Variants in SARNP observed in about 807,000 individuals in gnomAD.
SARNP encodes the protein SAP domain containing ribonucleoprotein.
In SARNP, 5 loss-of-function variants were observed where a neutral mutation model predicts 38.1. The ratio of observed to expected loss-of-function variants is 0.13; its 90% CI spans 0.07 to 0.28. The LOEUF (loss-of-function observed/expected upper bound fraction) is 0.28, where lower values mean the gene tolerates loss of function less well. Among genes scored for constraint, SARNP ranks in the 10% least tolerant of loss-of-function variants. The probability of loss-of-function intolerance (pLI) is 1.00; values close to 1 mark genes in which losing one functional copy is unlikely to be tolerated. For missense variants in SARNP, 180 were observed against 243.9 expected (o/e 0.74, Z 1.75); for synonymous variants, 84 against 80.6 (o/e 1.04, Z -0.23).
intron 9 of SARNP, among the ~76,000 whole-genome samples, chr12:55,768,995 G>A (rs1229400476): frequency 6.6e-6 from 1 of 152,188 alleles, no homozygotes; most frequent in Non-Finnish European, 1.5e-5. Flanking sequence ...GGGATTACAG[G>A]TGTGAGCCAC....
At chr12:55,791,150 A>G (rs763488351) in intron 7 of SARNP, among the ~76,000 whole-genome samples, 258 of 152,322 alleles carry the variant, frequency 1.7e-3, no homozygotes, top group Non-Finnish European at 2.9e-3. Flanking sequence ...TTCCATGGAG[A>G]AAAAAACCTC....
At position 55,800,913 on chromosome 12, in the gene SARNP, A is replaced by G. The variant is rs1399745472; in HGVS notation, c.137-13T>C. ...GCCTCCTCTTCAGCTAAAGAATATT[A>G]AAATATTCAGGTCAAGCCCTGCTAC... On this transcript the variant is annotated splice_polypyrimidine_tract_variant and intron_variant, in intron 2 of 10. Coordinates refer to ENST00000336133, the MANE Select transcript of SARNP (RefSeq NM_033082.4). 6.2e-7 allele frequency: 1 copy of G among 1,606,352 alleles called. No individual in the cohort carries two copies. The highest frequency in any genetic ancestry group is 1.1e-5 in the South Asian group (1 of 90,922).
chr12:55,815,571 G>A (rs1313974224), intron 1 of SARNP, among the ~76,000 whole-genome samples: 3 of 152,074 alleles, frequency 2.0e-5, no homozygotes, highest in African/African-American at 7.2e-5. Flanking sequence ...TTGTGCCTCA[G>A]CCTCCTCACA....
chr12:55,761,696 C>T (rs1222563794), intron 9 of SARNP: 1 of 152,158 alleles, frequency 6.6e-6, no homozygotes, highest in Non-Finnish European at 1.5e-5. Context: ...TAAACCCTAC[C>T]ATTTTATTTA....
intron 9 of SARNP, among the ~76,000 whole-genome samples, chr12:55,782,991 G>C (rs1009425800): frequency 2.6e-5 from 4 of 152,012 alleles, no homozygotes; most frequent in Admixed American, 2.6e-4. Flanking sequence ...CACGCCTGTA[G>C]TCCTAGCTAC....
intron 9 of SARNP, among the ~76,000 whole-genome samples, chr12:55,774,354 T>C (rs1172243847): frequency 6.6e-6 from 1 of 151,726 alleles, no homozygotes; most frequent in African/African-American, 2.4e-5. Flanking sequence ...TAAGCATGGG[T>C]ACGATATGCA....
rs542022869 is a variant in SARNP, at chr12:55,788,614, T to C, written c.501+461A>G. Among the ~76,000 whole-genome samples, 21 of 152,066 alleles carry C rather than the reference T, an allele frequency of 1.4e-4. No homozygotes were observed. In the South Asian group the frequency reaches 1.7e-3, roughly 12 times the overall value. On this transcript the variant is annotated intron_variant, in intron 9 of 10. Coordinates refer to ENST00000336133, the MANE Select transcript of SARNP (RefSeq NM_033082.4). ...GAGTTTGAGACCAGCTTGGGTAACA[T>C]AGCAAAATCCCGTCTCTACCAAAAA...
chr12:55,810,672 T>C (rs1440770162), intron 1 of SARNP, among the ~76,000 whole-genome samples: 1 of 151,564 alleles, frequency 6.6e-6, no homozygotes. Context: ...AGGCTGGTCT[T>C]GAACTCCTGA....
intron 1 of SARNP, among the ~76,000 whole-genome samples, chr12:55,816,115 G>C (rs552968396): frequency 6.6e-6 from 1 of 152,316 alleles, no homozygotes; most frequent in African/African-American, 2.4e-5. Flanking sequence ...ATACAGATTT[G>C]ATGGAAGGAG....
chr12:55,805,262 AAAAT>A (rs1880105084), intron 1 of SARNP, among the ~76,000 whole-genome samples: 1 of 152,252 alleles, frequency 6.6e-6, no homozygotes, highest in Non-Finnish European at 1.5e-5. Context: ...CTCCGTCTCA[AAAAT>A]AAATAAATAA....
chr12:55,815,270 A>G (rs1880448598), intron 1 of SARNP, among the ~76,000 whole-genome samples: 1 of 152,050 alleles, frequency 6.6e-6, no homozygotes, highest in South Asian at 2.1e-4. Flanking sequence ...ATGTTACCTA[A>G]GCTGGTCTCA....
At chr12:55,796,980 G>C (rs181756494) in intron 4 of SARNP, among the ~76,000 whole-genome samples, 48 of 152,230 alleles carry the variant, frequency 3.2e-4, no homozygotes, top group African/African-American at 1.1e-3. Context: ...AACAAAAGAG[G>C]GGGGACCACA....
At position 55,803,659 on chromosome 12, in the gene SARNP, G is replaced by C. The variant is rs1035255639; in HGVS notation, c.106C>G (p.His36Asp). Residue 36 changes from histidine (H) to aspartate (D), a missense_variant, in exon 2 of 11, where the codon CAC (histidine) becomes GAC (aspartate). This residue lies in a region of SARNP where 161 missense variants were observed against 194.1 expected (regional missense o/e 0.83). Transcript: ENST00000336133. ...ETKGIKQDLIHRLQAYLEEHA... is the reference protein window; with the variant it reads ...ETKGIKQDLIDRLQAYLEEHA... The stretch of plus-strand genomic sequence containing the variant: ...TCTTCAAGATATGCCTGGAGTCTGT[G>C]GATAAGATCTTGCTTTATTCCCTTG... The C allele has an allele frequency of 2.3e-5, 37 of 1,612,810 alleles. No homozygotes were observed. The highest frequency in any genetic ancestry group is 3.0e-5 in the Non-Finnish European group (35 of 1,179,174).
At chr12:55,756,562 T>C (rs1184704298), downstream of SARNP, 1 of 152,126 alleles carries the variant, frequency 6.6e-6, no homozygotes, top group East Asian at 1.9e-4. Context: ...GGCTCCTAAG[T>C]CTTATTACCA....
intron 9 of SARNP, among the ~76,000 whole-genome samples, chr12:55,787,251 A>C (rs970371645): frequency 2.0e-5 from 3 of 151,994 alleles, no homozygotes; most frequent in African/African-American, 7.3e-5. Context: ...TAAAAAAAAA[A>C]AAAAAAGTTA....
At chr12:55,774,574 AC>A (rs781029860) in intron 9 of SARNP, among the ~76,000 whole-genome samples, 820 of 58,914 alleles carry the variant, frequency 0.014, 35 homozygotes, top group African/African-American at 0.051. Flanking sequence ...AAAAAAAAAA[AC>A]AAACAAAAAA....
chr12:55,754,131 T>C (rs116645348), downstream of SARNP: 372 of 152,306 alleles, frequency 2.4e-3, 2 homozygotes, highest in African/African-American at 8.7e-3. Context: ...AGGCTGGAAG[T>C]GGTTGAGTAG....
At chr12:55,785,737 T>C (rs1387137830) in intron 9 of SARNP, among the ~76,000 whole-genome samples, 3 of 151,498 alleles carry the variant, frequency 2.0e-5, no homozygotes, top group Non-Finnish European at 4.4e-5. Flanking sequence ...GATCGCACCA[T>C]TGCACTCCAG....
chr12:55,795,996 A>C, intron 5 of SARNP, 29 bp downstream of exon 5: 1 of 1,491,142 alleles, frequency 6.7e-7, no homozygotes, highest in Non-Finnish European at 9.3e-7. Flanking sequence ...AAATGTAGAG[A>C]CTGTTCTACT....
Sources: gnomAD v4.1 joint callset for allele counts (sites outside exome capture counted in the v4.1 genomes callset) on GRCh38, gnomAD v4.1.1 for gene constraint, gnomAD v4.1.1 regional missense constraint, MANE v1.5 for transcripts, NCBI Gene and HGNC (gene_info 2026-07-23, HGNC 2026-07-21) for gene names.